The following CCDC178 variants were observed in gnomAD, a reference collection of about 807,000 sequenced individuals.
CCDC178 encodes the protein coiled-coil domain-containing protein 178.
A neutral mutation model predicts 117.4 loss-of-function variants in CCDC178; 126 were observed. The observed-to-expected ratio is 1.07, with a 90% CI of 0.93 to 1.24. The LOEUF (loss-of-function observed/expected upper bound fraction) is 1.24, where lower values mean the gene tolerates loss of function less well. CCDC178 is among the 50% of genes most tolerant of loss of function. The probability of loss-of-function intolerance (pLI) is 0.00; values close to 1 mark genes in which losing one functional copy is unlikely to be tolerated. For synonymous variants in CCDC178, 283 were observed against 313.4 expected (o/e 0.90, Z 1.02); for missense variants, 1,030 against 986.9 (o/e 1.04, Z -0.59).
At chr18:33,237,045 C>T (rs12953459) in intron 15 of CCDC178, among the ~76,000 whole-genome samples, 2,482 of 152,254 alleles carry the variant, frequency 0.016, 23 homozygotes, top group Non-Finnish European at 0.023. Flanking sequence ...TGCACTCCCC[C>T]AACTCCCACC....
intron 21 of CCDC178, among the ~76,000 whole-genome samples, chr18:32,984,461 C>A (rs1207869924): frequency 6.6e-6 from 1 of 150,782 alleles, no homozygotes; most frequent in Admixed American, 6.6e-5. Context: ...TAACAACCTG[C>A]AAAACTTAAA....
At chr18:33,212,134 G>A in intron 19 of CCDC178, 79 bp from the exon 20 acceptor site, 2 of 1,134,684 alleles carry the variant, frequency 1.8e-6, no homozygotes, top group Non-Finnish European at 2.4e-6. Context: ...CATTTTAAAA[G>A]GACCAAAATG....
intron 12 of CCDC178, among the ~76,000 whole-genome samples, chr18:33,284,925 A>G (rs1388382045): frequency 1.3e-5 from 2 of 151,952 alleles, no homozygotes; most frequent in Non-Finnish European, 2.9e-5. Flanking sequence ...ATGCACACAC[A>G]CACACACAGA....
At chr18:33,024,751 C>T (rs1161332049) in intron 21 of CCDC178, among the ~76,000 whole-genome samples, 1 of 151,680 alleles carries the variant, frequency 6.6e-6, no homozygotes, top group African/African-American at 2.4e-5. Context: ...TCACGCCATT[C>T]TCCTACCTCA....
chr18:33,278,232 T>C (rs1284487655), intron 12 of CCDC178, among the ~76,000 whole-genome samples: 7 of 78 alleles, frequency 0.09, no homozygotes, highest in African/African-American at 0.14. Flanking sequence ...AATACATACA[T>C]ATATATATAT....
In CCDC178 at chr18:33,134,707, T is replaced by A. The variant is rs78793840; in HGVS notation, c.2239-41797A>T. Among the ~76,000 whole-genome samples, 1,049 of 152,230 alleles carry A rather than the reference T, an allele frequency of 6.9e-3. 13 individuals are homozygous for A. Among genetic ancestry groups the A allele is most frequent in the African/African-American group, 0.024 (1,004 of 41,570 alleles). ...CTTTCTTCTTTCCTTCTAATATTTA[T>A]TAAACAGCACATAAGTATCAGATTG... On this transcript the variant is annotated intron_variant, in intron 20 of 22. Transcript: ENST00000383096.
At chr18:33,391,918 C>T (rs2063569805) in intron 4 of CCDC178, among the ~76,000 whole-genome samples, 1 of 151,438 alleles carries the variant, frequency 6.6e-6, no homozygotes. Context: ...GGCTGGAGTG[C>T]AATGGCGTGA....
At chr18:33,266,059 A>T (rs1188643623) in intron 14 of CCDC178, among the ~76,000 whole-genome samples, 1 of 152,014 alleles carries the variant, frequency 6.6e-6, no homozygotes, top group African/African-American at 2.4e-5. Context: ...ACTGAAGGAG[A>T]TCATGAGCTT....
chr18:33,073,543 CTATCT>C (rs2057150169), intron 21 of CCDC178, among the ~76,000 whole-genome samples: 5 of 143,360 alleles, frequency 3.5e-5, no homozygotes, highest in African/African-American at 7.8e-5. Flanking sequence ...ATCTATCTAT[CTATCT>C]ATCTATATAT....
At chr18:33,212,167 C>CCTG in intron 19 of CCDC178, 112 bp from the exon 20 acceptor site, 1 of 735,066 alleles carries the variant, frequency 1.4e-6, no homozygotes, top group Admixed American at 3.8e-5. Context: ...GACCCTTGAA[C>CCTG]TGACAGGCCT....
intron 20 of CCDC178, among the ~76,000 whole-genome samples, chr18:33,196,509 T>A (rs2058931577): frequency 6.6e-6 from 1 of 152,102 alleles, no homozygotes; most frequent in African/African-American, 2.4e-5. Flanking sequence ...TTCTAGCAAA[T>A]TATTGAACCT....
At chr18:33,035,901 G>A (rs1430896283) in intron 21 of CCDC178, among the ~76,000 whole-genome samples, 1 of 151,892 alleles carries the variant, frequency 6.6e-6, no homozygotes, top group Non-Finnish European at 1.5e-5. Context: ...AAAATATTCT[G>A]ACTTTTTTTA....
chr18:33,326,355 G>A (rs1431054693), intron 10 of CCDC178, among the ~76,000 whole-genome samples: 1 of 152,150 alleles, frequency 6.6e-6, no homozygotes, highest in Non-Finnish European at 1.5e-5. Context: ...CCCAGGAAGG[G>A]GTTGGATATG....
chr18:33,044,575 T>G lies in CCDC178; in HGVS notation c.2388+48186A>C, dbSNP rs533389402. 1.2e-4 allele frequency among the ~76,000 whole-genome samples: 19 copies of G among 152,038 alleles called. No individual in the cohort carries two copies. The South Asian group carries it at 4.0e-3, about 32-fold the overall frequency. On this transcript the variant is annotated intron_variant, in intron 21 of 22. Transcript: ENST00000383096. Reference sequence around the variant, plus strand: ...AAAGAGAACACTTATACACTCTTGGTGGGAATGTAAACTAATACAACCGTT... The same window carrying G: ...AAAGAGAACACTTATACACTCTTGGGGGGAATGTAAACTAATACAACCGTT...
At chr18:33,294,656 C>T (rs1370570314) in intron 11 of CCDC178, among the ~76,000 whole-genome samples, 2 of 152,166 alleles carry the variant, frequency 1.3e-5, no homozygotes, top group Non-Finnish European at 2.9e-5. Flanking sequence ...AGAGTATAGA[C>T]TTACCTGTCA....
intron 15 of CCDC178, among the ~76,000 whole-genome samples, chr18:33,244,672 C>T (rs924347910): frequency 5.3e-5 from 8 of 151,900 alleles, no homozygotes; most frequent in African/African-American, 1.9e-4. Flanking sequence ...ATTACTAAGT[C>T]TCAGGTATTT....
chr18:33,183,068 G>C (rs976608498), intron 20 of CCDC178, among the ~76,000 whole-genome samples: 1 of 151,662 alleles, frequency 6.6e-6, no homozygotes, highest in Non-Finnish European at 1.5e-5. Context: ...TGATAAATCT[G>C]GTTTTTAAAT....
chr18:33,158,078 A>G (rs1225158076), intron 20 of CCDC178, among the ~76,000 whole-genome samples: 1 of 152,140 alleles, frequency 6.6e-6, no homozygotes, highest in Non-Finnish European at 1.5e-5. Flanking sequence ...TCTTGATAGT[A>G]GTGTTTATCT....
intron 11 of CCDC178, among the ~76,000 whole-genome samples, chr18:33,297,283 A>T (rs573548648): frequency 7.9e-5 from 12 of 152,106 alleles, no homozygotes; most frequent in Non-Finnish European, 1.6e-4. Flanking sequence ...GACCTAGAAA[A>T]GCAAGAACAA....
Sources: allele counts gnomAD v4.1 joint callset (sites outside exome capture counted in the v4.1 genomes callset), GRCh38; gene constraint gnomAD v4.1.1; transcripts MANE v1.5; gene names NCBI Gene and HGNC (gene_info 2026-07-23, HGNC 2026-07-21).